MYRIP: variants seen among roughly 807,000 people sequenced by gnomAD.
MYRIP encodes the protein rab effector MyRIP.
In MYRIP, 49 loss-of-function variants were observed where a neutral mutation model predicts 98.0. That is an observed-to-expected ratio of 0.50 (90% CI 0.40 to 0.63). The LOEUF is 0.63. Ranked by LOEUF, MYRIP falls within the 30% of genes least tolerant of loss-of-function variation. MYRIP has a pLI of 0.00. For synonymous variants in MYRIP, 404 were observed against 409.5 expected (o/e 0.99, Z 0.16); for missense variants, 1,004 against 1,058.2 (o/e 0.95, Z 0.71).
intron 3 of MYRIP, among the ~76,000 whole-genome samples, chr3:40,121,399 T>C (rs1215290040): frequency 6.6e-6 from 1 of 152,192 alleles, no homozygotes; most frequent in African/African-American, 2.4e-5. Flanking sequence ...GCAAGCATCT[T>C]GACAAACATT....
At chr3:39,842,138 T>G (rs1941822012) in intron 1 of MYRIP, among the ~76,000 whole-genome samples, 1 of 152,186 alleles carries the variant, frequency 6.6e-6, no homozygotes, top group Admixed American at 6.5e-5. Context: ...GCTGCCTTTC[T>G]TTTAGAGATG....
chr3:40,216,251 CAG>C (rs1952116434), intron 11 of MYRIP, among the ~76,000 whole-genome samples: 1 of 152,120 alleles, frequency 6.6e-6, no homozygotes, highest in African/African-American at 2.4e-5. Flanking sequence ...GAAAGAAAGG[CAG>C]AGTTACTCCA....
chr3:40,133,463 ATAAT>A (rs1188815545), intron 3 of MYRIP, among the ~76,000 whole-genome samples: 2 of 152,226 alleles, frequency 1.3e-5, no homozygotes, highest in Admixed American at 1.3e-4. Context: ...AGATCCCTAA[ATAAT>A]TAATTAAAAT....
intron 4 of MYRIP, among the ~76,000 whole-genome samples, chr3:40,161,395 T>C (rs1950392598): frequency 6.6e-6 from 1 of 152,208 alleles, no homozygotes; most frequent in South Asian, 2.1e-4. Context: ...CCTGTCCTTA[T>C]GTTTCCCACG....
chr3:39,834,334 A>T (rs1941557919), intron 1 of MYRIP, among the ~76,000 whole-genome samples: 1 of 152,224 alleles, frequency 6.6e-6, no homozygotes, highest in African/African-American at 2.4e-5. Flanking sequence ...TCTCTGACCA[A>T]TCAAGTAAAG....
intron 10 of MYRIP, among the ~76,000 whole-genome samples, chr3:40,191,794 CATT>C: frequency 6.6e-6 from 1 of 152,264 alleles, no homozygotes; most frequent in East Asian, 1.9e-4. Context: ...AAGTGTGAAT[CATT>C]ATTGTCTAGC....
intron 10 of MYRIP, among the ~76,000 whole-genome samples, chr3:40,203,661 A>G (rs1228696452): frequency 1.6e-5 from 2 of 127,394 alleles, no homozygotes; most frequent in South Asian, 2.3e-4. Flanking sequence ...ATATATATAT[A>G]TTTATATATT....
intron 11 of MYRIP, among the ~76,000 whole-genome samples, chr3:40,214,041 C>T (rs1158417594): frequency 1.3e-5 from 2 of 152,190 alleles, no homozygotes; most frequent in Non-Finnish European, 1.5e-5. Context: ...CCCACTTCCC[C>T]ACTCCTCTGC....
rs375134274 is a variant in MYRIP at position 39,944,112 on chromosome 3, A to G, written c.110+43186A>G. Among the ~76,000 whole-genome samples the G allele has an allele frequency of 4.1e-4, 62 of 152,302 alleles. 3 individuals carry two copies. The highest frequency in any genetic ancestry group is 1.5e-3 in the African/African-American group (61 of 41,578). ...TAAAAAATCATACTATTGTAGGCTC[A>G]TACATTACTGAGTGGATGTTTAAAC... On this transcript the variant is annotated intron_variant, in intron 2 of 16. Coordinates refer to ENST00000302541, the MANE Select transcript of MYRIP (RefSeq NM_015460.4).
intron 2 of MYRIP, among the ~76,000 whole-genome samples, chr3:39,934,074 A>G (rs1559527640): frequency 6.6e-6 from 1 of 152,234 alleles, no homozygotes; most frequent in Non-Finnish European, 1.5e-5. Flanking sequence ...TGAGGCCTGC[A>G]TAAATGTCTG....
chr3:40,025,445 T>TAAACGC (rs1236442420), intron 2 of MYRIP, among the ~76,000 whole-genome samples: 3 of 152,178 alleles, frequency 2.0e-5, no homozygotes, highest in Admixed American at 2.0e-4. Flanking sequence ...CATGACAAAC[T>TAAACGC]AAACGCAAAG....
At chr3:39,848,337 T>C (rs1942032478) in intron 1 of MYRIP, among the ~76,000 whole-genome samples, 1 of 152,226 alleles carries the variant, frequency 6.6e-6, no homozygotes, top group Non-Finnish European at 1.5e-5. Context: ...TTTTTTAAAA[T>C]AAACCAGAAT....
chr3:40,244,622 C>G lies in MYRIP; in HGVS notation c.2262+15C>G, dbSNP rs1271540044. 3.1e-6 allele frequency: 5 copies of G among 1,604,356 alleles called. No homozygotes were observed. The East Asian group carries it at 1.1e-4, about 36-fold the overall frequency. On this transcript the variant is annotated intron_variant, in intron 13 of 16. Transcript: ENST00000302541. ...CTGAACTCCAGGTGAGAACTCTCCT[C>G]TCTGCCCACATGGGTCCTGCAGGGT...
At chr3:40,037,714 C>A (rs1947414609) in intron 2 of MYRIP, among the ~76,000 whole-genome samples, 1 of 152,060 alleles carries the variant, frequency 6.6e-6, no homozygotes, top group East Asian at 1.9e-4. Context: ...GCTGACTTTT[C>A]CCTCTGCACC....
chr3:39,984,222 A>ATTTTATTTTT (rs1945971298), intron 2 of MYRIP, among the ~76,000 whole-genome samples: 1 of 151,312 alleles, frequency 6.6e-6, no homozygotes, highest in Non-Finnish European at 1.5e-5. Context: ...ATTTTATTTT[A>ATTTTATTTTT]TTTTATTTTA....
chr3:40,106,850 C>T (rs1949057976), intron 3 of MYRIP, among the ~76,000 whole-genome samples: 1 of 151,838 alleles, frequency 6.6e-6, no homozygotes, highest in Non-Finnish European at 1.5e-5. Flanking sequence ...CTGATTTGCC[C>T]TCCTTTTTTC....
intron 3 of MYRIP, among the ~76,000 whole-genome samples, chr3:40,134,199 T>C (rs1253551225): frequency 2.0e-5 from 3 of 152,232 alleles, no homozygotes; most frequent in Non-Finnish European, 4.4e-5. Flanking sequence ...TATGCGCTCT[T>C]CCAACGGGCT....
intron 2 of MYRIP, among the ~76,000 whole-genome samples, chr3:39,955,159 C>T (rs1259360776): frequency 6.6e-6 from 1 of 152,124 alleles, no homozygotes; most frequent in Non-Finnish European, 1.5e-5. Flanking sequence ...CATTCAAATT[C>T]AGGAAATACA....
In MYRIP at chr3:39,861,274, A is replaced by G. The variant is rs183425633; in HGVS notation, c.-30-39513A>G. 5.4e-4 allele frequency among the ~76,000 whole-genome samples: 82 copies of G among 152,306 alleles called. 1 individual carries two copies. The highest frequency in any genetic ancestry group is 3.8e-3 in the Admixed American group (58 of 15,300). On this transcript the variant is annotated intron_variant, in intron 1 of 16. Transcript: ENST00000302541. ...CTTCCAGAAATGAAGCTAGTCAACCAGGCTTACCTTATACCATAATCAAAC... is the reference window on the plus strand; with the variant it reads ...CTTCCAGAAATGAAGCTAGTCAACCGGGCTTACCTTATACCATAATCAAAC...
Sources: allele counts gnomAD v4.1 joint callset (sites outside exome capture counted in the v4.1 genomes callset), GRCh38; gene constraint gnomAD v4.1.1; transcripts MANE v1.5; gene names NCBI Gene and HGNC (gene_info 2026-07-23, HGNC 2026-07-21).